Variants in CYFIP2 observed in about 807,000 individuals in gnomAD.
The protein encoded by CYFIP2 is cytoplasmic FMR1 interacting protein 2.
A neutral mutation model predicts 158.7 loss-of-function variants in CYFIP2; 29 were observed. The ratio of observed to expected loss-of-function variants is 0.18; its 90% CI spans 0.14 to 0.25. The LOEUF is 0.25. Ranked by LOEUF, CYFIP2 falls within the 10% of genes least tolerant of loss-of-function variation. The pLI is 1.00. For synonymous variants in CYFIP2, 585 were observed against 617.6 expected (o/e 0.95, Z 0.78); for missense variants, 852 against 1,639.5 (o/e 0.52, Z 8.29).
chr5:157,266,371 C>G lies in CYFIP2; in HGVS notation c.-24+176C>G, dbSNP rs1755594007. On this transcript the variant is annotated intron_variant, in intron 1 of 30. Coordinates refer to ENST00000620254, the MANE Select transcript of CYFIP2 (RefSeq NM_001037333.3). The surrounding 1 kb of genome is among the most constrained non-coding windows in gnomAD (Gnocchi z 4.2). ...CCTCAGGCCCCACGCGGCCCCTTTC[C>G]CCCTCGGACCCACCGTGCGTCCCGC... 1 of 151,694 alleles carries G rather than the reference C, an allele frequency of 6.6e-6. No homozygotes were observed. The highest frequency in any genetic ancestry group is 6.6e-5 in the Admixed American group (1 of 15,230). The allele number at this position is 151,694 out of a possible 1,614,324, so 9.4% of individuals were successfully genotyped here. A position where few individuals can be genotyped will look rare whatever the true frequency, so the allele number is the denominator to read the frequency against.
At chr5:157,292,306 A>G (rs1228109633) in intron 3 of CYFIP2, among the ~76,000 whole-genome samples, 1 of 150,458 alleles carries the variant, frequency 6.6e-6, no homozygotes, top group Non-Finnish European at 1.5e-5. Context: ...CGCAACTTCC[A>G]CCTCCCGGGT....
chr5:157,348,157 C>A (rs772208328), intron 23 of CYFIP2, among the ~76,000 whole-genome samples: 5 of 152,260 alleles, frequency 3.3e-5, no homozygotes, highest in Non-Finnish European at 7.3e-5. Context: ...TAGAGGAAAT[C>A]AGCTAGGAGC....
intron 27 of CYFIP2, among the ~76,000 whole-genome samples, chr5:157,382,927 G>T (rs1419311728): frequency 6.6e-6 from 1 of 152,054 alleles, no homozygotes; most frequent in Non-Finnish European, 1.5e-5. Context: ...TTCCTTATAA[G>T]ATTATAGAAA....
At chr5:157,271,132 T>C (rs2113803742) in intron 1 of CYFIP2, among the ~76,000 whole-genome samples, 1 of 152,118 alleles carries the variant, frequency 6.6e-6, no homozygotes, top group Admixed American at 6.5e-5. Flanking sequence ...CCATGATAGA[T>C]CGGTAAGATT....
In CYFIP2 at chr5:157,367,840, C is replaced by T. The variant is rs181653742; in HGVS notation, c.3039+6242C>T. On this transcript the variant is annotated intron_variant, in intron 26 of 30. Transcript: ENST00000620254. ...CATGATCTCGGCTCACTGTAACCTC[C>T]GCCTCCCAGGTTCAAGCAATTCTCC... Among the ~76,000 whole-genome samples, 19 of 150,756 alleles carry T rather than the reference C, an allele frequency of 1.3e-4. No homozygotes were observed. The East Asian group carries it at 2.5e-3, about 20-fold the overall frequency.
chr5:157,334,079 CAGA>C (rs1209011806), intron 21 of CYFIP2, among the ~76,000 whole-genome samples: 4 of 152,158 alleles, frequency 2.6e-5, no homozygotes, highest in African/African-American at 9.7e-5. Context: ...AGCGAATGAA[CAGA>C]AGGAGTGGGA....
At chr5:157,336,146 GC>G (rs1208846207) in intron 21 of CYFIP2, among the ~76,000 whole-genome samples, 1 of 151,996 alleles carries the variant, frequency 6.6e-6, no homozygotes, top group Non-Finnish European at 1.5e-5. Flanking sequence ...GCTCCCCTCA[GC>G]CTTTCCCTCC....
chr5:157,302,945 C>A (rs961064363), intron 7 of CYFIP2, 55 bp downstream of exon 7: 25 of 1,428,332 alleles, frequency 1.8e-5, no homozygotes, highest in Middle Eastern at 1.9e-4. Flanking sequence ...TATAGGCAGG[C>A]GTGTAGAGGT....
At chr5:157,374,061 G>C (rs1429270674) in intron 26 of CYFIP2, among the ~76,000 whole-genome samples, 1 of 152,188 alleles carries the variant, frequency 6.6e-6, no homozygotes, top group Admixed American at 6.5e-5. Flanking sequence ...ACAGTAACTA[G>C]ATTATTAATG....
At chr5:157,381,977 C>G (rs1339188052) in intron 26 of CYFIP2, among the ~76,000 whole-genome samples, 1 of 151,646 alleles carries the variant, frequency 6.6e-6, no homozygotes, top group African/African-American at 2.4e-5. Flanking sequence ...GAGACCCTAT[C>G]TCCCGTCTTG....
At chr5:157,324,196 C>T in intron 16 of CYFIP2, 122 bp downstream of exon 16, 1 of 1,178,208 alleles carries the variant, frequency 8.5e-7, no homozygotes, top group South Asian at 1.9e-5. Context: ...GGGCACATAT[C>T]ACCACCAAGG....
intron 22 of CYFIP2, among the ~76,000 whole-genome samples, chr5:157,340,243 T>G (rs1488317325): frequency 1.3e-5 from 2 of 152,254 alleles, no homozygotes; most frequent in Admixed American, 1.3e-4. Flanking sequence ...AAAAAATGTA[T>G]TCATCTGCAG....
chr5:157,333,276 A>G lies in CYFIP2; in HGVS notation c.2266-51A>G, dbSNP rs889449037. ...TGGGATTACAGGCATGAGCCACTGC[A>G]CCTGGCCAGTGTGAATTTTAAGTAA... is the stretch of plus-strand genomic sequence containing the variant. On this transcript the variant is annotated intron_variant, in intron 20 of 30. Transcript: ENST00000620254. The G allele has an allele frequency of 1.2e-5, 19 of 1,610,514 alleles. No homozygotes were observed. The African/African-American group carries it at 2.3e-4, about 19-fold the overall frequency.
chr5:157,363,066 A>C (rs897049753), intron 26 of CYFIP2: 2 of 152,460 alleles, frequency 1.3e-5, no homozygotes, highest in African/African-American at 2.4e-5. Flanking sequence ...ACCCCGCAGA[A>C]CCAGCACTCT....
intron 3 of CYFIP2, among the ~76,000 whole-genome samples, chr5:157,294,380 A>T (rs1045109562): frequency 2.0e-5 from 3 of 152,222 alleles, no homozygotes; most frequent in Admixed American, 2.0e-4. Context: ...AGTTTTGATA[A>T]TATACTTTCA....
In CYFIP2 at chr5:157,285,535, A is replaced by G. The variant is rs151110759; in HGVS notation, c.117+57A>G. 8.8e-5 allele frequency: 130 copies of G among 1,482,422 alleles called. No individual in the cohort carries two copies. The African/African-American group carries it at 1.4e-3, about 16-fold the overall frequency. The allele number at this position is 1,482,422 out of a possible 1,614,324, so 91.8% of individuals were successfully genotyped here. On this transcript the variant is annotated intron_variant, in intron 2 of 30. Transcript: ENST00000620254. Reference sequence around the variant, plus strand: ...CCAGGAATTCTGGGGATCCCCTAAGAGAGTTTGCCCTAAGGCAGAGGGAAG... The same window carrying G: ...CCAGGAATTCTGGGGATCCCCTAAGGGAGTTTGCCCTAAGGCAGAGGGAAG...
At chr5:157,286,442 A>C (rs976568061) in intron 2 of CYFIP2, among the ~76,000 whole-genome samples, 3 of 149,270 alleles carry the variant, frequency 2.0e-5, no homozygotes, top group Admixed American at 2.0e-4. Context: ...TTGGCTTTTT[A>C]ACTTAAAATT....
At chr5:157,319,505 G>A (rs2113098986) in intron 13 of CYFIP2, among the ~76,000 whole-genome samples, 1 of 152,350 alleles carries the variant, frequency 6.6e-6, no homozygotes, top group South Asian at 2.1e-4. Context: ...AAAATCAGTT[G>A]CATTGCGAAG....
At chr5:157,274,957 G>T (rs1403447580) in intron 1 of CYFIP2, among the ~76,000 whole-genome samples, 1 of 151,622 alleles carries the variant, frequency 6.6e-6, no homozygotes, top group Non-Finnish European at 1.5e-5. Context: ...AAATTTTTTT[G>T]TAGAAACAGG....
Sources: gnomAD v4.1 joint callset for allele counts (sites outside exome capture counted in the v4.1 genomes callset) on GRCh38, gnomAD v4.1.1 for gene constraint, Gnocchi (gnomAD v3.1) non-coding constraint, MANE v1.5 for transcripts, NCBI Gene and HGNC (gene_info 2026-07-23, HGNC 2026-07-21) for gene names.